The following MAGI2 variants were observed in gnomAD, a reference collection of about 807,000 sequenced individuals.
MAGI2 encodes the protein membrane associated guanylate kinase, WW and PDZ domain containing 2.
A neutral mutation model predicts 133.3 loss-of-function variants in MAGI2; 35 were observed. The observed-to-expected ratio is 0.26, with a 90% CI of 0.20 to 0.35. MAGI2 has a LOEUF of 0.35. Ranked by LOEUF, MAGI2 falls within the 10% of genes least tolerant of loss-of-function variation. The probability of loss-of-function intolerance (pLI) is 1.00; values close to 1 mark genes in which losing one functional copy is unlikely to be tolerated. For missense variants in MAGI2, 1,636 were observed against 1,863.4 expected (o/e 0.88, Z 2.25); for synonymous variants, 729 against 710.6 (o/e 1.03, Z -0.41).
At chr7:78,610,400 A>G (rs1266172767) in intron 3 of MAGI2, among the ~76,000 whole-genome samples, 3 of 152,100 alleles carry the variant, frequency 2.0e-5, no homozygotes, top group Non-Finnish European at 4.4e-5. Flanking sequence ...TGCTGGTAGA[A>G]CTCTTAAAGG....
chr7:78,172,379 C>G (rs1293899274), intron 14 of MAGI2, among the ~76,000 whole-genome samples: 1 of 152,208 alleles, frequency 6.6e-6, no homozygotes, highest in African/African-American at 2.4e-5. Flanking sequence ...GTGCACCACA[C>G]TCCTGTGCCA....
chr7:79,344,633 G>T (rs1437267899), intron 1 of MAGI2, among the ~76,000 whole-genome samples: 1 of 152,166 alleles, frequency 6.6e-6, no homozygotes, highest in East Asian at 1.9e-4. Flanking sequence ...AAATTTAGCT[G>T]GAACTTCGGA....
chr7:78,206,474 G>A (rs757583795), intron 10 of MAGI2, among the ~76,000 whole-genome samples: 2 of 151,896 alleles, frequency 1.3e-5, no homozygotes, highest in Non-Finnish European at 2.9e-5. Flanking sequence ...GTATTTTTTA[G>A]TAGAGATGGG....
At chr7:78,125,637 C>A in intron 20 of MAGI2, 57 bp downstream of exon 20, 2 of 1,582,034 alleles carry the variant, frequency 1.3e-6, no homozygotes, top group Non-Finnish European at 1.7e-6. Flanking sequence ...TCTTCCAATA[C>A]CACAGTCGGT....
At chr7:78,566,370 G>A (rs994376669) in intron 3 of MAGI2, among the ~76,000 whole-genome samples, 2 of 152,100 alleles carry the variant, frequency 1.3e-5, no homozygotes, top group African/African-American at 4.8e-5. Flanking sequence ...GAAAGGCATG[G>A]AGGTGAGAAT....
At chr7:79,215,571 T>C (rs1272582638) in intron 1 of MAGI2, among the ~76,000 whole-genome samples, 1 of 151,992 alleles carries the variant, frequency 6.6e-6, no homozygotes, top group Non-Finnish European at 1.5e-5. Context: ...TAGATAATAA[T>C]TGAACTCTTT....
At chr7:78,051,755 T>C (rs1327033148) in intron 21 of MAGI2, among the ~76,000 whole-genome samples, 2 of 151,990 alleles carry the variant, frequency 1.3e-5, no homozygotes, top group African/African-American at 4.8e-5. Context: ...CGGCTAATTT[T>C]TGTATTTTTA....
intron 1 of MAGI2, among the ~76,000 whole-genome samples, chr7:79,234,255 A>T (rs1298041174): frequency 2.8e-5 from 4 of 144,762 alleles, no homozygotes; most frequent in Non-Finnish European, 4.6e-5. Context: ...ACTTTGGTGA[A>T]TCTGACAATT....
intron 6 of MAGI2, among the ~76,000 whole-genome samples, chr7:78,482,771 G>T (rs1172448960): frequency 6.6e-6 from 1 of 151,624 alleles, no homozygotes; most frequent in Non-Finnish European, 1.5e-5. Flanking sequence ...GATAAGCATG[G>T]CTATGAAGGG....
chr7:78,049,135 T>G (rs987100133), intron 21 of MAGI2, among the ~76,000 whole-genome samples: 1 of 151,508 alleles, frequency 6.6e-6, no homozygotes, highest in Admixed American at 6.6e-5. Flanking sequence ...ACTTCAAAAT[T>G]AATGTTAATT....
intron 1 of MAGI2, among the ~76,000 whole-genome samples, chr7:79,146,222 A>G (rs968572466): frequency 6.6e-6 from 1 of 152,194 alleles, no homozygotes; most frequent in African/African-American, 2.4e-5. Flanking sequence ...GGGAGAGCAA[A>G]ATTAGCTTTC....
At chr7:79,433,835 C>T (rs1174111083) in intron 1 of MAGI2, among the ~76,000 whole-genome samples, 1 of 152,076 alleles carries the variant, frequency 6.6e-6, no homozygotes, top group African/African-American at 2.4e-5. Flanking sequence ...TGTCTACCAA[C>T]CAAACACATC....
At chr7:79,212,729 A>G (rs1395310667) in intron 1 of MAGI2, among the ~76,000 whole-genome samples, 3 of 152,024 alleles carry the variant, frequency 2.0e-5, no homozygotes. Context: ...TGCAGGAAAT[A>G]ATTTTCTCTC....
intron 21 of MAGI2, among the ~76,000 whole-genome samples, chr7:78,031,729 G>C (rs993300786): frequency 2.0e-5 from 3 of 152,192 alleles, no homozygotes; most frequent in South Asian, 2.1e-4. Context: ...TAATCAAAAA[G>C]TACTTATGTC....
chr7:78,242,370 T>C (rs1791248375), intron 10 of MAGI2, among the ~76,000 whole-genome samples: 1 of 152,234 alleles, frequency 6.6e-6, no homozygotes, highest in Admixed American at 6.5e-5. Flanking sequence ...GCTCAGGAGA[T>C]CTGCCATTCA....
chr7:78,327,358 A>G (rs1374816975), intron 9 of MAGI2, among the ~76,000 whole-genome samples: 1 of 152,204 alleles, frequency 6.6e-6, no homozygotes, highest in African/African-American at 2.4e-5. Flanking sequence ...TATGACTGGC[A>G]AAGGAAGCGA....
intron 20 of MAGI2, among the ~76,000 whole-genome samples, chr7:78,084,038 C>T (rs1016502378): frequency 1.3e-5 from 2 of 152,210 alleles, no homozygotes; most frequent in African/African-American, 4.8e-5. Flanking sequence ...GTTGCTTGGA[C>T]ATCGTTACAA....
chr7:78,681,700 G>C (rs1434469807), intron 2 of MAGI2, among the ~76,000 whole-genome samples: 1 of 152,064 alleles, frequency 6.6e-6, no homozygotes, highest in Admixed American at 6.6e-5. Context: ...CTACACATGT[G>C]ATAAGCGAAG....
intron 2 of MAGI2, among the ~76,000 whole-genome samples, chr7:78,833,249 C>G (rs1273429564): frequency 6.6e-6 from 1 of 152,148 alleles, no homozygotes; most frequent in African/African-American, 2.4e-5. Flanking sequence ...TACTGTACTT[C>G]TGCATACAGA....
Sources: allele counts gnomAD v4.1 joint callset (sites outside exome capture counted in the v4.1 genomes callset), GRCh38; gene constraint gnomAD v4.1.1; transcripts MANE v1.5; gene names NCBI Gene and HGNC (gene_info 2026-07-23, HGNC 2026-07-21).